GNG2: variants seen among roughly 807,000 people sequenced by gnomAD.
GNG2 encodes the protein guanine nucleotide-binding protein G(I)/G(S)/G(O) subunit gamma-2.
In GNG2, 5 loss-of-function variants were observed where a neutral mutation model predicts 5.5. The observed-to-expected ratio is 0.91, with a 90% CI of 0.48 to 1.92. The LOEUF is 1.92. Among genes scored for constraint, GNG2 ranks in the 30% most tolerant of loss-of-function variants. GNG2 has a pLI of 0.01. For missense variants in GNG2, 55 were observed against 88.4 expected, an observed-to-expected ratio of 0.62 and a Z score of 1.52; for synonymous variants, 28 against 32.0, an observed-to-expected ratio of 0.88 and a Z score of 0.42.
chr14:51,913,482 C>T (rs1452412209), intron 2 of GNG2: 1 of 152,382 alleles, frequency 6.6e-6, no homozygotes, highest in Non-Finnish European at 1.5e-5. Context: ...TCACTGCACT[C>T]CAGTCTGGGT....
chr14:51,836,353 CT>C (rs950081225), intron 2 of GNG2, among the ~76,000 whole-genome samples: 1 of 152,060 alleles, frequency 6.6e-6, no homozygotes, highest in Non-Finnish European at 1.5e-5. Context: ...AGGGAAAGCA[CT>C]AGATTTGGAA....
intron 2 of GNG2, among the ~76,000 whole-genome samples, chr14:51,933,528 G>A (rs1423981646): frequency 2.0e-5 from 3 of 152,124 alleles, no homozygotes; most frequent in Non-Finnish European, 4.4e-5. Flanking sequence ...TTTAAGATGG[G>A]AGATATTTTA....
At chr14:51,954,887 G>C (rs1026119868) in intron 3 of GNG2, among the ~76,000 whole-genome samples, 1 of 152,086 alleles carries the variant, frequency 6.6e-6, no homozygotes, top group East Asian at 1.9e-4. Flanking sequence ...TGCCATCTCT[G>C]TTCCAGCAAG....
intron 3 of GNG2, among the ~76,000 whole-genome samples, chr14:51,959,250 G>A (rs970840085): frequency 6.6e-5 from 10 of 151,982 alleles, no homozygotes; most frequent in African/African-American, 1.9e-4. Context: ...GCTCTAGCCC[G>A]ATTATTTATC....
chr14:51,879,473 A>C (rs557095657), intron 2 of GNG2, among the ~76,000 whole-genome samples: 1 of 152,362 alleles, frequency 6.6e-6, no homozygotes, highest in Non-Finnish European at 1.5e-5. Context: ...TGCTGTAACA[A>C]ATTATTACAA....
chr14:51,958,437 G>GT (rs1330912685), intron 3 of GNG2, among the ~76,000 whole-genome samples: 1 of 46,784 alleles, frequency 2.1e-5, no homozygotes, highest in Non-Finnish European at 9.1e-5. Flanking sequence ...TCTCTCTTCC[G>GT]TTCCCCCCCC....
chr14:51,875,333 G>T (rs1010827374), intron 1 of GNG2, among the ~76,000 whole-genome samples: 17 of 152,212 alleles, frequency 1.1e-4, no homozygotes, highest in Non-Finnish European at 2.1e-4. Flanking sequence ...TGACCCAGAA[G>T]TTACACATAC....
chr14:51,948,888 G>A (rs1315978052), intron 2 of GNG2, among the ~76,000 whole-genome samples: 5 of 152,080 alleles, frequency 3.3e-5, no homozygotes, highest in South Asian at 2.1e-4. Context: ...TTGGGAGGCC[G>A]AGGTGGGCGG....
intron 2 of GNG2, among the ~76,000 whole-genome samples, chr14:51,884,113 A>T (rs1884284453): frequency 6.6e-6 from 1 of 152,204 alleles, no homozygotes; most frequent in South Asian, 2.1e-4. Flanking sequence ...TGTATCAAAA[A>T]GGTGAATATA....
intron 2 of GNG2, among the ~76,000 whole-genome samples, chr14:51,887,270 T>C (rs1293636445): frequency 1.3e-5 from 2 of 152,188 alleles, no homozygotes; most frequent in Admixed American, 6.5e-5. Context: ...AGCCACCTTC[T>C]TGGGCCTCCC....
intron 2 of GNG2, among the ~76,000 whole-genome samples, chr14:51,937,128 T>C (rs777230571): frequency 6.6e-6 from 1 of 152,196 alleles, no homozygotes; most frequent in African/African-American, 2.4e-5. Flanking sequence ...CTACTCCTTA[T>C]TGTCAAAGGG....
intron 1 of GNG2, chr14:51,861,403 C>T (rs939689506): frequency 8.5e-5 from 13 of 152,174 alleles, no homozygotes; most frequent in African/African-American, 2.9e-4. Flanking sequence ...AGGTCTTATC[C>T]TAAAGTTGCA....
intron 2 of GNG2, among the ~76,000 whole-genome samples, chr14:51,933,075 C>T (rs74051319): frequency 0.09 from 13,636 of 152,200 alleles, 987 homozygotes; most frequent in East Asian, 0.32. Flanking sequence ...TGGACTCTTC[C>T]CTAGAGCCTC....
chr14:51,853,301 A>C (rs1212002167), intron 2 of GNG2, among the ~76,000 whole-genome samples: 1 of 152,158 alleles, frequency 6.6e-6, no homozygotes, highest in African/African-American at 2.4e-5. Flanking sequence ...GCCCTCAGGG[A>C]GTGGCAGGTC....
At chr14:51,949,493 T>G (rs1234251617) in intron 2 of GNG2, among the ~76,000 whole-genome samples, 1 of 152,232 alleles carries the variant, frequency 6.6e-6, no homozygotes, top group Non-Finnish European at 1.5e-5. Context: ...TCTTACTTCA[T>G]CCTTTGGTAA....
chr14:51,860,946 C>T (rs1227398346), intron 1 of GNG2, among the ~76,000 whole-genome samples, 156 bp downstream of exon 1: 2 of 152,126 alleles, frequency 1.3e-5, no homozygotes, highest in African/African-American at 2.4e-5. Context: ...AGAATAACCA[C>T]ATTTATGACA....
At chr14:51,887,786 C>T (rs1443625062) in intron 2 of GNG2, among the ~76,000 whole-genome samples, 3 of 152,206 alleles carry the variant, frequency 2.0e-5, no homozygotes, top group Non-Finnish European at 4.4e-5. Context: ...AATAACTTTA[C>T]TTGCTATAAA....
At chr14:51,897,459 A>T (rs958638197) in intron 2 of GNG2, among the ~76,000 whole-genome samples, 6 of 152,212 alleles carry the variant, frequency 3.9e-5, no homozygotes, top group African/African-American at 1.4e-4. Flanking sequence ...AAAAAGGATA[A>T]TGTTAAAATG....
At chr14:51,949,906 T>C (rs550097150) in intron 2 of GNG2, among the ~76,000 whole-genome samples, 2 of 152,274 alleles carry the variant, frequency 1.3e-5, no homozygotes, top group African/African-American at 2.4e-5. Flanking sequence ...GAAAGAGGTA[T>C]GGCAGAGACA....
Sources: allele counts gnomAD v4.1 joint callset (sites outside exome capture counted in the v4.1 genomes callset), GRCh38; gene constraint gnomAD v4.1.1; transcripts MANE v1.5; gene names NCBI Gene and HGNC (gene_info 2026-07-23, HGNC 2026-07-21).